Variants in GPHN observed in about 807,000 individuals in gnomAD.
The protein encoded by GPHN is gephyrin.
In GPHN, 17 loss-of-function variants were observed where a neutral mutation model predicts 95.5. That is an observed-to-expected ratio of 0.18 (90% CI 0.12 to 0.27). GPHN has a LOEUF of 0.27. Among genes scored for constraint, GPHN ranks in the 10% least tolerant of loss-of-function variants. GPHN has a pLI of 1.00. For synonymous variants in GPHN, 320 were observed against 322.5 expected, an observed-to-expected ratio of 0.99 and a Z score of 0.08; for missense variants, 660 against 978.1, an observed-to-expected ratio of 0.67 and a Z score of 4.34.
chr14:66,950,332 A>G (rs1252689591), intron 8 of GPHN, among the ~76,000 whole-genome samples: 1 of 152,162 alleles, frequency 6.6e-6, no homozygotes, highest in Non-Finnish European at 1.5e-5. Context: ...CTCCATGGCA[A>G]GCCTTTGGTT....
At chr14:67,709,637 G>A in the GPHN span, among the ~76,000 whole-genome samples, 1,766 of 152,276 alleles carry the variant, frequency 0.012, 46 homozygotes, top group East Asian at 0.061. Flanking sequence ...GCCTTGAGGA[G>A]TTTAATAGCT....
Position 67,062,908 on chromosome 14 carries a change from G to A in GPHN, c.1144+4122G>A, listed in dbSNP as rs575867189. Among the ~76,000 whole-genome samples, 433 of 152,238 alleles carry A rather than the reference G, an allele frequency of 2.8e-3. 5 individuals are homozygous for A. The highest frequency in any genetic ancestry group is 3.1e-3 in the Non-Finnish European group (210 of 67,998). On this transcript the variant is annotated intron_variant, in intron 11 of 22. Coordinates refer to ENST00000478722, the MANE Select transcript of GPHN (RefSeq NM_020806.5). ...TGATGGTAGTTTCTTTTACCGTGCA[G>A]AAAGTTCTTTAGTTTAATTAGATCC...
the GPHN span, among the ~76,000 whole-genome samples, chr14:67,253,876 C>T: frequency 6.7e-6 from 1 of 148,786 alleles, no homozygotes; most frequent in South Asian, 2.1e-4. Flanking sequence ...TTCCAGAGTT[C>T]AGTTTCATTA....
chr14:67,037,777 TAA>T (rs201402556), intron 10 of GPHN, among the ~76,000 whole-genome samples: 6 of 132,032 alleles, frequency 4.5e-5, no homozygotes, highest in Non-Finnish European at 3.3e-5. Context: ...GGATGACTAC[TAA>T]AAAAAAAAAA....
the GPHN span, among the ~76,000 whole-genome samples, chr14:67,243,523 C>T: frequency 9.8e-5 from 12 of 122,848 alleles, no homozygotes; most frequent in Admixed American, 6.5e-4. Flanking sequence ...GACGGAGTCT[C>T]GCGCTGTCGC....
At chr14:66,764,084 A>C (rs560776048) in intron 2 of GPHN, among the ~76,000 whole-genome samples, 1 of 152,156 alleles carries the variant, frequency 6.6e-6, no homozygotes, top group Non-Finnish European at 1.5e-5. Context: ...ATATATTACA[A>C]TGTAATAAGA....
At chr14:67,054,581 A>G (rs2075460097) in intron 10 of GPHN, among the ~76,000 whole-genome samples, 1 of 152,226 alleles carries the variant, frequency 6.6e-6, no homozygotes, top group South Asian at 2.1e-4. Flanking sequence ...GACATTTTTC[A>G]CAGAATTAGA....
chr14:67,559,555 G>A, the GPHN span: 2 of 1,299,114 alleles, frequency 1.5e-6, no homozygotes, highest in South Asian at 1.3e-5. Flanking sequence ...CCTCCAGTCA[G>A]TCACTCTCCT....
At chr14:66,685,466 C>G (rs1284807411) in intron 2 of GPHN, among the ~76,000 whole-genome samples, 7 of 152,316 alleles carry the variant, frequency 4.6e-5, no homozygotes, top group Non-Finnish European at 2.9e-5. Flanking sequence ...GATGGTATCT[C>G]ATTGTGGTTT....
intron 3 of GPHN, among the ~76,000 whole-genome samples, chr14:66,795,846 T>A (rs917280658): frequency 3.9e-5 from 6 of 152,218 alleles, no homozygotes; most frequent in African/African-American, 1.4e-4. Context: ...AATCCAATTA[T>A]ACTCTTTTAG....
intron 9 of GPHN, among the ~76,000 whole-genome samples, chr14:66,972,974 G>C (rs145283925): frequency 2.6e-5 from 4 of 152,262 alleles, no homozygotes; most frequent in Admixed American, 6.5e-5. Context: ...TAATGTCTGA[G>C]TACTATTACT....
At chr14:67,023,511 C>T in intron 9 of GPHN, 122 bp from the exon 10 acceptor site, 3 of 697,702 alleles carry the variant, frequency 4.3e-6, no homozygotes, top group Admixed American at 4.4e-5. Context: ...CATGTTATGA[C>T]ATCTGAAATA....
intron 1 of GPHN, among the ~76,000 whole-genome samples, chr14:66,670,727 G>A (rs1374608906): frequency 6.6e-6 from 1 of 152,200 alleles, no homozygotes; most frequent in Non-Finnish European, 1.5e-5. Flanking sequence ...AGGCGGTGGA[G>A]GTTGCAGTGA....
At chr14:66,790,692 G>A (rs945557627) in intron 3 of GPHN, among the ~76,000 whole-genome samples, 7 of 152,214 alleles carry the variant, frequency 4.6e-5, no homozygotes, top group Admixed American at 3.3e-4. Context: ...AGTTTGCACT[G>A]CCTGTGGCAG....
At chr14:66,729,283 T>C (rs1019358499) in intron 2 of GPHN, among the ~76,000 whole-genome samples, 3 of 152,190 alleles carry the variant, frequency 2.0e-5, no homozygotes, top group Admixed American at 6.5e-5. Flanking sequence ...TCTCATTATA[T>C]ATGTATGCAT....
At chr14:67,647,929 C>A in the GPHN span, 1 of 988,108 alleles carries the variant, frequency 1.0e-6, no homozygotes, top group Non-Finnish European at 1.5e-6. Context: ...GCTTTATTAA[C>A]AAAGTACTAG....
the GPHN span, among the ~76,000 whole-genome samples, chr14:67,504,590 A>T: frequency 6.6e-6 from 1 of 152,214 alleles, no homozygotes; most frequent in Non-Finnish European, 1.5e-5. Flanking sequence ...TCAAAAAAAT[A>T]AATAAAAAAC....
the GPHN span, among the ~76,000 whole-genome samples, chr14:67,527,022 GC>G: frequency 1.3e-5 from 2 of 152,226 alleles, no homozygotes; most frequent in Non-Finnish European, 2.9e-5. Flanking sequence ...AGCTGCAATG[GC>G]TTGGTCAGCT....
chr14:67,377,486 T>A, the GPHN span, among the ~76,000 whole-genome samples: 1 of 152,222 alleles, frequency 6.6e-6, no homozygotes, highest in South Asian at 2.1e-4. Flanking sequence ...TATTTTATTT[T>A]ATAAAGAAAA....
Sources: gnomAD v4.1 joint callset for allele counts (sites outside exome capture counted in the v4.1 genomes callset) on GRCh38, gnomAD v4.1.1 for gene constraint, MANE v1.5 for transcripts, NCBI Gene and HGNC (gene_info 2026-07-23, HGNC 2026-07-21) for gene names.